Variants in SYNE1 observed in about 807,000 individuals in gnomAD.
SYNE1 encodes spectrin repeat containing nuclear envelope protein 1.
SYNE1 carries 616 observed loss-of-function variants against 1,111.0 expected under a neutral mutation model. The observed-to-expected ratio is 0.55, with a 90% CI of 0.52 to 0.59. The LOEUF (loss-of-function observed/expected upper bound fraction) is 0.59, where lower values mean the gene tolerates loss of function less well. Among genes scored for constraint, SYNE1 ranks in the 20% least tolerant of loss-of-function variants. The pLI is 0.00. For synonymous variants in SYNE1, 3,855 were observed against 3,825.8 expected, an observed-to-expected ratio of 1.01 and a Z score of -0.28; for missense variants, 10,006 against 10,417.0, an observed-to-expected ratio of 0.96 and a Z score of 1.72.
rs1286076276 is a variant in SYNE1, at chr6:152,242,335, C to T, written c.19798G>A (p.Asp6600Asn). 6.2e-7 allele frequency: 1 copy of T among 1,613,936 alleles called. No homozygotes were observed. The highest frequency in any genetic ancestry group is 1.7e-5 in the Admixed American group (1 of 59,990). The change falls in exon 107 of 146, where the codon GAC (aspartate) becomes AAC (asparagine). Residue 6600 changes from aspartate to asparagine, a missense_variant. Asp to Asn is a conservative substitution (Grantham distance 23, BLOSUM62 1). Around this residue, in one of 7 missense-constraint regions of SYNE1, gnomAD observed 2,182 missense variants for 2,287.8 expected, o/e 0.95. Transcript: ENST00000367255. ...TTCTCCTGACCAGTTTCTAGCAGGT[C>T]AGCCAGATCTTGTAGGGCCCTCTCA... is the stretch of plus-strand genomic sequence containing the variant. Reference protein sequence around the residue: ...QYERALQDLADLLETGQEKMA... With the variant: ...QYERALQDLANLLETGQEKMA...
At chr6:152,601,513 T>G (rs1181080825) in intron 3 of SYNE1, among the ~76,000 whole-genome samples, 2 of 152,074 alleles carry the variant, frequency 1.3e-5, no homozygotes, top group Non-Finnish European at 2.9e-5. Context: ...GTGAGGAAAC[T>G]TCGCAGCAGG....
chr6:152,126,283 G>C (rs2053412694), intron 145 of SYNE1: 1 of 152,154 alleles, frequency 6.6e-6, no homozygotes, highest in Non-Finnish European at 1.5e-5. Context: ...CATGCCCAAA[G>C]CTGCCTCATC....
intron 55 of SYNE1, among the ~76,000 whole-genome samples, 174 bp downstream of exon 55, chr6:152,385,500 A>G (rs117459338): frequency 3.0e-3 from 451 of 152,324 alleles, no homozygotes; most frequent in Non-Finnish European, 5.3e-3. Flanking sequence ...TCATAAGTGT[A>G]AAGTCTTTTG....
At chr6:152,344,343 T>C in intron 73 of SYNE1, 116 bp from the exon 74 acceptor site, 1 of 1,492,688 alleles carries the variant, frequency 6.7e-7, no homozygotes, top group Non-Finnish European at 9.2e-7. Context: ...CCCAAGATTC[T>C]GCAATTTCAT....
rs755796302 is a variant in SYNE1, at chr6:152,130,785, G to A, written c.26095-7C>T. On this transcript the variant is annotated splice_region_variant and splice_polypyrimidine_tract_variant and intron_variant, in intron 144 of 145. Transcript: ENST00000367255. Reference sequence around the variant, plus strand: ...GACTACACTTGCCTCGTGGCTGTTTGCAATGAACAGGGGGTAAAGAAAGAA... The same window carrying A: ...GACTACACTTGCCTCGTGGCTGTTTACAATGAACAGGGGGTAAAGAAAGAA... 4.3e-6 allele frequency: 7 copies of A among 1,613,994 alleles called. No individual in the cohort carries two copies. The South Asian group carries it at 7.7e-5, about 18-fold the overall frequency.
chr6:152,310,303 AAC>A, intron 89 of SYNE1, 91 bp downstream of exon 89: 2 of 1,533,476 alleles, frequency 1.3e-6, no homozygotes, highest in South Asian at 1.2e-5. Flanking sequence ...AAAAAAATAA[AAC>A]AGTGTTGAGT....
chr6:152,136,885 T>C, intron 140 of SYNE1, 67 bp from the exon 141 acceptor site: 2 of 1,560,266 alleles, frequency 1.3e-6, no homozygotes, highest in Non-Finnish European at 1.8e-6. Context: ...CTTGAAAATG[T>C]TTCACATGAA....
In SYNE1 at chr6:152,219,220, T is replaced by C. The variant is rs753222161; in HGVS notation, c.21862-35A>G. On this transcript the variant is annotated intron_variant, in intron 119 of 145. Coordinates refer to ENST00000367255, the MANE Select transcript of SYNE1 (RefSeq NM_182961.4). Reference sequence around the variant, plus strand: ...GTGAAAATATGCCCACTCTGAAGCATGTTGATACTCCTTATCATAAACAGC... The same window carrying C: ...GTGAAAATATGCCCACTCTGAAGCACGTTGATACTCCTTATCATAAACAGC... 28 of 1,599,444 alleles carry C rather than the reference T, an allele frequency of 1.8e-5. No individual in the cohort carries two copies. The South Asian group carries it at 2.4e-4, about 14-fold the overall frequency.
chr6:152,278,013 T>C (rs576986173), intron 98 of SYNE1, 76 bp downstream of exon 98: 2 of 1,544,822 alleles, frequency 1.3e-6, no homozygotes, highest in Admixed American at 3.3e-5. Flanking sequence ...CCTGTTCCTT[T>C]ACCTGGCAAA....
intron 77 of SYNE1, among the ~76,000 whole-genome samples, chr6:152,332,725 A>T (rs554153524): frequency 6.6e-5 from 10 of 152,336 alleles, no homozygotes; most frequent in African/African-American, 2.4e-4. Flanking sequence ...GTGTACTTGG[A>T]TATTTTTTGC....
intron 98 of SYNE1, among the ~76,000 whole-genome samples, chr6:152,276,227 G>C (rs561382375): frequency 6.6e-6 from 1 of 151,830 alleles, no homozygotes; most frequent in Non-Finnish European, 1.5e-5. Flanking sequence ...TAGAGATGGG[G>C]TTTCACCATG....
intron 3 of SYNE1, among the ~76,000 whole-genome samples, chr6:152,579,996 G>A (rs2099513929): frequency 6.6e-6 from 1 of 152,106 alleles, no homozygotes; most frequent in African/African-American, 2.4e-5. Flanking sequence ...TGTCTTTATG[G>A]TAGAACAATT....
At position 152,409,643 on chromosome 6, in the gene SYNE1, A is replaced by G. The variant is rs761444503; in HGVS notation, c.6297T>C (p.Ser2099=). Residue 2099 remains serine, a synonymous_variant, in exon 43 of 146, where the codon TCT becomes TCC. Transcript: ENST00000367255. ...REYQNLKSAV[S]KVLENASSVI... ...CACTGCTGGCATTTTCTAAGACTTT[A>G]GATACAGCTGATTTCAGGTTCTGAT... is the stretch of plus-strand genomic sequence containing the variant. The G allele has an allele frequency of 1.2e-6, 2 of 1,613,922 alleles. No individual in the cohort carries two copies. Among genetic ancestry groups the G allele is most frequent in the African/African-American group, 1.3e-5 (1 of 75,040 alleles).
chr6:152,456,706 T>C (rs1238572312), intron 22 of SYNE1: 13 of 449,888 alleles, frequency 2.9e-5, no homozygotes, highest in Non-Finnish European at 5.8e-5. Context: ...GCAATTGTGA[T>C]TTTGGCAGTA....
intron 144 of SYNE1, among the ~76,000 whole-genome samples, 177 bp from the exon 145 acceptor site, chr6:152,130,955 T>A (rs2152689809): frequency 6.6e-6 from 1 of 152,356 alleles, no homozygotes. Context: ...GTAAAATAAA[T>A]TTATATCTAT....
Position 152,344,099 on chromosome 6 carries a change from C to T in SYNE1, c.12207G>A (p.Arg4069=), listed in dbSNP as rs1563217932. The change falls in exon 74 of 146, where the codon AGG becomes AGA. Residue 4069 remains arginine (R), a synonymous_variant. Transcript: ENST00000367255. ...LEPSPQPPLS[R]AEAIKQVKHF... is the part of the protein sequence containing the mutation. ...TTACTACCTGCTTAATGGCTTCTGCCCTACTAAGAGGTGGTTGAGGACTTG... is the reference window on the plus strand; with the variant it reads ...TTACTACCTGCTTAATGGCTTCTGCTCTACTAAGAGGTGGTTGAGGACTTG... 5 of 1,614,178 alleles carry T rather than the reference C, an allele frequency of 3.1e-6. No homozygotes were observed. Among genetic ancestry groups the T allele is most frequent in the East Asian group, 2.2e-5 (1 of 44,876 alleles).
intron 3 of SYNE1, among the ~76,000 whole-genome samples, chr6:152,541,605 G>C (rs781337329): frequency 6.6e-6 from 1 of 151,902 alleles, no homozygotes; most frequent in Non-Finnish European, 1.5e-5. Flanking sequence ...AAAATTAGCC[G>C]GGTGTGCTGG....
chr6:152,403,615 G>A (rs931625355), intron 46 of SYNE1, among the ~76,000 whole-genome samples: 1 of 152,114 alleles, frequency 6.6e-6, no homozygotes, highest in Admixed American at 6.5e-5. Context: ...TCAGCTACCA[G>A]GGAGGCTGAG....
At chr6:152,616,144 C>T (rs2099646293) in intron 3 of SYNE1, among the ~76,000 whole-genome samples, 1 of 152,152 alleles carries the variant, frequency 6.6e-6, no homozygotes, top group Non-Finnish European at 1.5e-5. Context: ...AGGCAAGCTT[C>T]ACTTCATTAA....
Sources: gnomAD v4.1 joint callset for allele counts (sites outside exome capture counted in the v4.1 genomes callset) on GRCh38, gnomAD v4.1.1 for gene constraint, gnomAD v4.1.1 regional missense constraint, MANE v1.5 for transcripts, NCBI Gene and HGNC (gene_info 2026-07-23, HGNC 2026-07-21) for gene names.